The following SBF2 variants were observed in gnomAD, a reference collection of about 807,000 sequenced individuals.
The protein encoded by SBF2 is SET binding factor 2, also known as myotubularin-related protein 13.
SBF2 carries 112 observed loss-of-function variants against 225.2 expected under a neutral mutation model. The observed-to-expected ratio is 0.50, with a 90% CI of 0.43 to 0.58. The LOEUF is 0.58. Among genes scored for constraint, SBF2 ranks in the 20% least tolerant of loss-of-function variants. SBF2 has a pLI of 0.00. For missense variants in SBF2, 1,996 were observed against 2,206.2 expected (o/e 0.90, Z 1.91); for synonymous variants, 763 against 773.3 (o/e 0.99, Z 0.22).
At chr11:9,879,292 T>A (rs974193949) in intron 17 of SBF2, among the ~76,000 whole-genome samples, 16 of 152,238 alleles carry the variant, frequency 1.1e-4, no homozygotes, top group African/African-American at 3.6e-4. Context: ...GTTATTAAAA[T>A]CTTTGCTTTT....
At chr11:10,096,340 A>G (rs987237082) in intron 2 of SBF2, among the ~76,000 whole-genome samples, 3 of 151,800 alleles carry the variant, frequency 2.0e-5, no homozygotes, top group African/African-American at 7.3e-5. Context: ...TATAAGATTT[A>G]GTATATAACA....
intron 16 of SBF2, among the ~76,000 whole-genome samples, chr11:9,955,896 T>C (rs1866133627): frequency 1.3e-5 from 2 of 152,122 alleles, no homozygotes; most frequent in South Asian, 4.1e-4. Context: ...ACCACGTATG[T>C]TTGTATCATT....
intron 1 of SBF2, among the ~76,000 whole-genome samples, chr11:10,249,928 C>T (rs1035601728): frequency 1.2e-4 from 18 of 151,200 alleles, no homozygotes; most frequent in East Asian, 3.9e-4. Context: ...CTAAAAGAGA[C>T]GTAAAGAGAA....
At chr11:10,264,257 TACTC>T (rs1961718009) in intron 1 of SBF2, among the ~76,000 whole-genome samples, 1 of 152,170 alleles carries the variant, frequency 6.6e-6, no homozygotes, top group African/African-American at 2.4e-5. Context: ...CTAATCCAAA[TACTC>T]ACAATACTTC....
chr11:9,925,338 C>A (rs549734227), intron 16 of SBF2, among the ~76,000 whole-genome samples: 1 of 151,956 alleles, frequency 6.6e-6, no homozygotes, highest in African/African-American at 2.4e-5. Context: ...TGCAATGGTG[C>A]GTGATCTTGG....
At chr11:10,214,190 C>T (rs1958041232) in intron 1 of SBF2, among the ~76,000 whole-genome samples, 1 of 152,124 alleles carries the variant, frequency 6.6e-6, no homozygotes, top group African/African-American at 2.4e-5. Flanking sequence ...TTCTTGGTCT[C>T]TACTCACTAG....
chr11:10,045,342 A>G (rs1565168883), intron 2 of SBF2, among the ~76,000 whole-genome samples: 1 of 151,812 alleles, frequency 6.6e-6, no homozygotes, highest in Non-Finnish European at 1.5e-5. Context: ...TAATTCATGT[A>G]TTTTAGTAGC....
chr11:10,040,791 G>A (rs1211754021), intron 3 of SBF2, among the ~76,000 whole-genome samples: 1 of 151,626 alleles, frequency 6.6e-6, no homozygotes, highest in Non-Finnish European at 1.5e-5. Context: ...GGGATAAAGA[G>A]AGGAAAGAAG....
intron 17 of SBF2, among the ~76,000 whole-genome samples, chr11:9,877,927 G>A (rs1859408401): frequency 6.6e-6 from 1 of 152,138 alleles, no homozygotes; most frequent in South Asian, 2.1e-4. Context: ...TGGGATCACT[G>A]GGTCAAATGG....
In SBF2 at chr11:9,917,995, C is replaced by T. The variant is rs138170944; in HGVS notation, c.1861-21984G>A. ...AACCTTTCCATCACATCATACCCTA[C>T]GATTCCATCACATATGAACTTGATG... On this transcript the variant is annotated intron_variant, in intron 16 of 39. Coordinates refer to ENST00000256190, the MANE Select transcript of SBF2 (RefSeq NM_030962.4). Among the ~76,000 whole-genome samples, 243 of 151,804 alleles carry T rather than the reference C, an allele frequency of 1.6e-3. 6 individuals carry two copies. The highest frequency in any genetic ancestry group is 0.012 in the Admixed American group (186 of 15,252).
At chr11:9,884,798 T>C (rs921746913) in intron 17 of SBF2, among the ~76,000 whole-genome samples, 2 of 152,200 alleles carry the variant, frequency 1.3e-5, no homozygotes, top group Admixed American at 1.3e-4. Context: ...AATTAGTCAC[T>C]CTTCTCCAAT....
intron 16 of SBF2, chr11:9,929,007 A>C (rs1192583381): frequency 2.1e-6 from 1 of 483,932 alleles, no homozygotes; most frequent in Non-Finnish European, 4.0e-6. Context: ...TGGCCCAGGA[A>C]CTGCTAATGA....
At chr11:10,157,273 T>C (rs1955522365) in intron 2 of SBF2, among the ~76,000 whole-genome samples, 1 of 152,142 alleles carries the variant, frequency 6.6e-6, no homozygotes, top group African/African-American at 2.4e-5. Context: ...TAACTCAAGA[T>C]GGATTAAAGA....
intron 17 of SBF2, among the ~76,000 whole-genome samples, chr11:9,894,632 TAA>T (rs1470204458): frequency 6.6e-6 from 1 of 151,972 alleles, no homozygotes; most frequent in Non-Finnish European, 1.5e-5. Flanking sequence ...TGTAGGGAGC[TAA>T]GATTGTGCCA....
intron 32 of SBF2, among the ~76,000 whole-genome samples, chr11:9,807,194 G>A (rs1226065716): frequency 6.6e-6 from 1 of 152,090 alleles, no homozygotes; most frequent in Non-Finnish European, 1.5e-5. Context: ...CTTTTCCTAG[G>A]CCAATTCAGT....
At chr11:10,293,919 C>A in intron 1 of SBF2, 96 bp downstream of exon 1, 1 of 963,060 alleles carries the variant, frequency 1.0e-6, no homozygotes, top group Non-Finnish European at 1.3e-6. Context: ...CCTGGCCCTC[C>A]CCGACGCCCG....
At chr11:10,121,111 T>C (rs1431357527) in intron 2 of SBF2, among the ~76,000 whole-genome samples, 4 of 152,192 alleles carry the variant, frequency 2.6e-5, no homozygotes, top group Non-Finnish European at 5.9e-5. Context: ...ACCTAATGGG[T>C]GCGGTGTGAC....
intron 2 of SBF2, among the ~76,000 whole-genome samples, chr11:10,117,440 C>CA (rs57722094): frequency 0.036 from 1,470 of 40,434 alleles, 26 homozygotes; most frequent in South Asian, 0.049. Flanking sequence ...GAATCCAACT[C>CA]AAAAAAAAAA....
In SBF2 at chr11:9,886,700, T is replaced by G. The variant is rs576161953; in HGVS notation, c.1929+9243A>C. Among the ~76,000 whole-genome samples, 93 of 30,758 alleles carry G rather than the reference T, an allele frequency of 3.0e-3. 3 individuals are homozygous for G. The highest frequency in any genetic ancestry group is 0.014 in the African/African-American group (87 of 6,024). The allele number at this position is 30,758 out of a possible 152,430, so 20.2% of individuals were successfully genotyped here. ...CAATTCCCAGTAAGTGATTCATGTG[T>G]TTTTTTTTTGCCTATAATATTTATG... On this transcript the variant is annotated intron_variant, in intron 17 of 39. Transcript: ENST00000256190.
Sources: allele counts gnomAD v4.1 joint callset (sites outside exome capture counted in the v4.1 genomes callset), GRCh38; gene constraint gnomAD v4.1.1; transcripts MANE v1.5; gene names NCBI Gene and HGNC (gene_info 2026-07-23, HGNC 2026-07-21).